DNAJA3: variants seen among roughly 807,000 people sequenced by gnomAD.
The protein encoded by DNAJA3 is dnaJ homolog subfamily A member 3, mitochondrial.
In DNAJA3, 29 loss-of-function variants were observed where a neutral mutation model predicts 54.9. The observed-to-expected ratio is 0.53, with a 90% CI of 0.39 to 0.72. The LOEUF (loss-of-function observed/expected upper bound fraction) is 0.72, where lower values mean the gene tolerates loss of function less well. Ranked by LOEUF, DNAJA3 falls within the 30% of genes least tolerant of loss-of-function variation. The probability of loss-of-function intolerance (pLI) is 0.00; values close to 1 mark genes in which losing one functional copy is unlikely to be tolerated. For missense variants in DNAJA3, 708 were observed against 639.4 expected, an observed-to-expected ratio of 1.11 and a Z score of -1.16; for synonymous variants, 302 against 251.4, an observed-to-expected ratio of 1.20 and a Z score of -1.90.
At chr16:4,439,588 G>C (rs2056814979) in intron 3 of DNAJA3, among the ~76,000 whole-genome samples, 2 of 152,178 alleles carry the variant, frequency 1.3e-5, no homozygotes, top group African/African-American at 4.8e-5. Flanking sequence ...ATGGTTAGTT[G>C]ATCTGATGTT....
chr16:4,429,629 G>A (rs1249730031), intron 1 of DNAJA3, among the ~76,000 whole-genome samples: 2 of 152,214 alleles, frequency 1.3e-5, no homozygotes, highest in Non-Finnish European at 2.9e-5. Context: ...GAAGTCAGGA[G>A]TTTGAGACCA....
chr16:4,437,290 G>A, intron 2 of DNAJA3, 112 bp from the exon 3 acceptor site: 1 of 912,586 alleles, frequency 1.1e-6, no homozygotes, highest in Non-Finnish European at 1.7e-6. Flanking sequence ...CTTTTATAAA[G>A]GGAACATAAT....
At position 4,442,954 on chromosome 16, in the gene DNAJA3, G is replaced by A. The variant is rs1442601620; in HGVS notation, c.784-63G>A. On this transcript the variant is annotated intron_variant, in intron 5 of 11. Coordinates refer to ENST00000262375, the MANE Select transcript of DNAJA3 (RefSeq NM_005147.6). ...AGACATTTTTCTTACGCACATTGTG[G>A]TCCCAGAACCACCCATCAGTTTACC... 5 of 1,563,580 alleles carry A rather than the reference G, an allele frequency of 3.2e-6. No homozygotes were observed. In the Admixed American group the frequency reaches 9.0e-5, roughly 28 times the overall value.
At chr16:4,436,189 T>C (rs574878589) in intron 2 of DNAJA3, among the ~76,000 whole-genome samples, 1 of 152,234 alleles carries the variant, frequency 6.6e-6, no homozygotes, top group South Asian at 2.1e-4. Flanking sequence ...AATTGGGTTG[T>C]AATGGAATGA....
Position 4,446,976 on chromosome 16 carries a change from G to A in DNAJA3, c.1087G>A (p.Ala363Thr), listed in dbSNP as rs766881681. Residue 363 changes from alanine (A) to threonine (T), a missense_variant, in exon 8 of 12, where the codon GCC becomes ACC. Physicochemically the swap from Ala to Thr is moderately conservative, Grantham distance 58. Transcript: ENST00000262375. Reference protein sequence around the residue: ...SIAQALLGGTARAQGLYETIN... With the variant: ...SIAQALLGGTTRAQGLYETIN... ...AGCTCAGGCTCTTCTTGGGGGTACA[G>A]CCAGAGCCCAGGGCCTGTACGAGAC... is the stretch of plus-strand genomic sequence containing the variant. 2 of 1,614,188 alleles carry A rather than the reference G, an allele frequency of 1.2e-6. No individual in the cohort carries two copies. The highest frequency in any genetic ancestry group is 1.7e-6 in the Non-Finnish European group (2 of 1,180,030).
At chr16:4,433,282 G>T (rs779453936) in intron 1 of DNAJA3, 1 of 152,178 alleles carries the variant, frequency 6.6e-6, no homozygotes, top group Non-Finnish European at 1.5e-5. Flanking sequence ...GTTAGTAACC[G>T]CCATTTGTTT....
chr16:4,448,650 A>G, intron 8 of DNAJA3, 83 bp from the exon 9 acceptor site: 1 of 939,380 alleles, frequency 1.1e-6, no homozygotes, highest in Non-Finnish European at 1.7e-6. Context: ...AGGAATTCCT[A>G]TCAAGATTGT....
chr16:4,443,498 C>T (rs1026583249), intron 6 of DNAJA3, among the ~76,000 whole-genome samples: 3 of 152,114 alleles, frequency 2.0e-5, no homozygotes, highest in South Asian at 2.1e-4. Context: ...TCTTAGTCAC[C>T]GAAGCCATCA....
At chr16:4,443,635 A>G (rs368805074) in intron 6 of DNAJA3, among the ~76,000 whole-genome samples, 1 of 151,280 alleles carries the variant, frequency 6.6e-6, no homozygotes, top group Admixed American at 6.6e-5. Flanking sequence ...CATCTTGGAG[A>G]TCCCAGCTTG....
At chr16:4,428,107 ACG>A (rs1232795988) in intron 1 of DNAJA3, among the ~76,000 whole-genome samples, 3 of 25,812 alleles carry the variant, frequency 1.2e-4, no homozygotes, top group African/African-American at 2.2e-4. Context: ...GCCCGCCACC[ACG>A]CCCAGCTAAT....
At position 4,425,924 on chromosome 16, in the gene DNAJA3, G is replaced by A. The variant is rs1328931617; in HGVS notation, c.43G>A (p.Gly15Arg). The A allele has an allele frequency of 6.5e-7, 1 of 1,550,276 alleles. No individual in the cohort carries two copies. The highest frequency in any genetic ancestry group is 8.7e-7 in the Non-Finnish European group (1 of 1,148,878). The change falls in exon 1 of 12, where the codon GGG becomes AGG. Residue 15 changes from glycine to arginine, a missense_variant. Transcript: ENST00000262375. ...CSTRWLLVVV[G>R]TPRLPAISGR... ...CACACGCTGGTTGCTGGTGGTTGTG[G>A]GGACCCCGCGGCTGCCGGCTATATC...
At chr16:4,454,960 GT>G (rs1567336969) in intron 11 of DNAJA3, 33 bp downstream of exon 11, 1 of 1,433,130 alleles carries the variant, frequency 7.0e-7, no homozygotes. Context: ...TTTTCCCTTT[GT>G]TTTCCTCTGT....
chr16:4,444,324 T>G (rs143100360), intron 6 of DNAJA3, among the ~76,000 whole-genome samples: 428 of 151,886 alleles, frequency 2.8e-3, no homozygotes, highest in African/African-American at 9.8e-3. Context: ...CTGCTCCCTT[T>G]CTTTTTTTTC....
At chr16:4,451,328 T>A (rs2056974934) in intron 10 of DNAJA3, among the ~76,000 whole-genome samples, 1 of 152,060 alleles carries the variant, frequency 6.6e-6, no homozygotes, top group Admixed American at 6.6e-5. Flanking sequence ...GTAGCAGGTG[T>A]TTGGAGCTGG....
intron 8 of DNAJA3, 101 bp downstream of exon 8, chr16:4,447,115 G>C (rs746472558): frequency 3.6e-6 from 5 of 1,399,488 alleles, no homozygotes; most frequent in Non-Finnish European, 4.8e-6. Flanking sequence ...TGAGTGACCA[G>C]CATGTGGGGG....
At chr16:4,436,645 C>G (rs1596362699) in intron 2 of DNAJA3, among the ~76,000 whole-genome samples, 1 of 151,950 alleles carries the variant, frequency 6.6e-6, no homozygotes, top group East Asian at 1.9e-4. Flanking sequence ...AAGCAATTCT[C>G]CTGCCTCAGC....
At chr16:4,428,202 CA>C (rs1010826769) in intron 1 of DNAJA3, among the ~76,000 whole-genome samples, 5 of 152,144 alleles carry the variant, frequency 3.3e-5, no homozygotes, top group African/African-American at 1.2e-4. Flanking sequence ...CCACCCGCCT[CA>C]GCCTCCCAAA....
At chr16:4,442,465 G>T in intron 5 of DNAJA3, 45 bp downstream of exon 5, 3 of 1,525,846 alleles carry the variant, frequency 2.0e-6, no homozygotes, top group Non-Finnish European at 1.8e-6. Context: ...TTGCACCACT[G>T]ACTGAGAAGA....
At chr16:4,442,239 G>T (rs1437812853) in intron 4 of DNAJA3, 29 bp from the exon 5 acceptor site, 1 of 1,542,544 alleles carries the variant, frequency 6.5e-7, no homozygotes. Flanking sequence ...GCAAACAAAA[G>T]TTGACAGGCT....
Sources: allele counts gnomAD v4.1 joint callset (sites outside exome capture counted in the v4.1 genomes callset), GRCh38; gene constraint gnomAD v4.1.1; transcripts MANE v1.5; gene names NCBI Gene and HGNC (gene_info 2026-07-23, HGNC 2026-07-21).